Variants in HECW2 observed in about 807,000 individuals in gnomAD.
HECW2 encodes the protein E3 ubiquitin-protein ligase HECW2.
HECW2 carries 61 observed loss-of-function variants against 175.2 expected under a neutral mutation model. That is an observed-to-expected ratio of 0.35 (90% CI 0.28 to 0.43). HECW2 has a LOEUF of 0.43. Ranked by LOEUF, HECW2 falls within the 20% of genes least tolerant of loss-of-function variation. The probability of loss-of-function intolerance (pLI) is 1.00; values close to 1 mark genes in which losing one functional copy is unlikely to be tolerated. For synonymous variants in HECW2, 671 were observed against 731.0 expected, an observed-to-expected ratio of 0.92 and a Z score of 1.32; for missense variants, 1,524 against 2,000.5, an observed-to-expected ratio of 0.76 and a Z score of 4.54.
At chr2:196,566,251 C>A in intron 1 of HECW2, among the ~76,000 whole-genome samples, 1 of 145,896 alleles carries the variant, frequency 6.9e-6, no homozygotes, top group Middle Eastern at 3.4e-3. Context: ...ATGGTTGTTC[C>A]ATTAATAATT....
intron 2 of HECW2, among the ~76,000 whole-genome samples, chr2:196,366,742 A>G (rs1178796813): frequency 6.6e-6 from 1 of 152,208 alleles, no homozygotes; most frequent in African/African-American, 2.4e-5. Flanking sequence ...TTAACTCCAT[A>G]TTAATGGAAA....
chr2:196,396,828 A>AAGC (rs148015627), intron 2 of HECW2, among the ~76,000 whole-genome samples: 1 of 150,784 alleles, frequency 6.6e-6, no homozygotes, highest in Non-Finnish European at 1.5e-5. Flanking sequence ...TAAAAAAAAA[A>AAGC]TGGCCGGGTG....
chr2:196,338,122 C>T (rs996417222), intron 3 of HECW2, among the ~76,000 whole-genome samples: 17 of 152,122 alleles, frequency 1.1e-4, no homozygotes, highest in Non-Finnish European at 2.2e-4. Flanking sequence ...ATTTGTGAGA[C>T]GTCACTTTGG....
chr2:196,520,966 T>C (rs1031379680), intron 1 of HECW2, among the ~76,000 whole-genome samples: 22 of 152,088 alleles, frequency 1.4e-4, no homozygotes, highest in African/African-American at 5.3e-4. Context: ...TAGAAGAAAG[T>C]AGATGCTTAA....
chr2:196,452,683 C>T (rs978589311), intron 1 of HECW2, among the ~76,000 whole-genome samples: 6 of 152,008 alleles, frequency 3.9e-5, no homozygotes, highest in Admixed American at 3.3e-4. Context: ...AAGACCACTC[C>T]TCTCCTGCAT....
intron 14 of HECW2, among the ~76,000 whole-genome samples, chr2:196,280,411 A>G (rs1013611700): frequency 6.6e-6 from 1 of 152,212 alleles, no homozygotes; most frequent in Non-Finnish European, 1.5e-5. Context: ...CTCTATGTAC[A>G]TCATCAAGAA....
chr2:196,226,835 T>A (rs1687869233), intron 22 of HECW2, among the ~76,000 whole-genome samples: 1 of 152,144 alleles, frequency 6.6e-6, no homozygotes, highest in African/African-American at 2.4e-5. Context: ...TTTGGGGGAG[T>A]TTCCTTCTGG....
At chr2:196,375,144 G>A (rs1694015908) in intron 2 of HECW2, among the ~76,000 whole-genome samples, 1 of 148,934 alleles carries the variant, frequency 6.7e-6, no homozygotes, top group Non-Finnish European at 1.5e-5. Context: ...GGGCAACAGA[G>A]TAAGACTCAG....
At chr2:196,313,372 G>A (rs1691571756) in intron 10 of HECW2, among the ~76,000 whole-genome samples, 1 of 152,222 alleles carries the variant, frequency 6.6e-6, no homozygotes, top group Admixed American at 6.5e-5. Context: ...AGAAGATACA[G>A]AAAATTCTTA....
chr2:196,210,482 A>C (rs10931731), intron 28 of HECW2, among the ~76,000 whole-genome samples: 40,630 of 151,994 alleles, frequency 0.27, 5,722 homozygotes, highest in East Asian at 0.55. Context: ...CACCACCATG[A>C]CCAGCTAGTA....
intron 1 of HECW2, among the ~76,000 whole-genome samples, chr2:196,478,956 C>T (rs754069339): frequency 1.1e-4 from 16 of 152,276 alleles, no homozygotes; most frequent in Non-Finnish European, 2.4e-4. Flanking sequence ...CATTAGGACC[C>T]CACTTTGTGA....
intron 5 of HECW2, 34 bp downstream of exon 5, chr2:196,329,541 T>C (rs753182042): frequency 1.3e-6 from 2 of 1,564,412 alleles, no homozygotes; most frequent in Admixed American, 3.3e-5. Flanking sequence ...CTGTACACTT[T>C]CAAACTGGAT....
intron 2 of HECW2, among the ~76,000 whole-genome samples, chr2:196,389,820 T>C (rs1049353552): frequency 6.6e-6 from 1 of 152,120 alleles, no homozygotes; most frequent in African/African-American, 2.4e-5. Context: ...TTTAAAGGTT[T>C]CTAGCTAACA....
rs1433614128 is a variant in HECW2, at chr2:196,220,790, T to C, written c.4293+5A>G. On this transcript the variant is annotated splice_donor_5th_base_variant and intron_variant, in intron 25 of 28. Coordinates refer to ENST00000644978, the MANE Select transcript of HECW2 (RefSeq NM_001348768.2). ...CAAACTCCTCCTACTGCTGATTGTC[T>C]TTACCTCATAGAAGCCACGCACTAA... 1 of 1,614,068 alleles carries C rather than the reference T, an allele frequency of 6.2e-7. No homozygotes were observed. Among genetic ancestry groups the C allele is most frequent in the South Asian group, 1.1e-5 (1 of 91,062 alleles).
chr2:196,446,514 A>G (rs1696190678), intron 1 of HECW2, among the ~76,000 whole-genome samples: 1 of 152,188 alleles, frequency 6.6e-6, no homozygotes, highest in Non-Finnish European at 1.5e-5. Flanking sequence ...CTGGACCTAC[A>G]TGGTTTTCTT....
chr2:196,441,278 A>G (rs1696032020), intron 1 of HECW2, among the ~76,000 whole-genome samples: 1 of 152,128 alleles, frequency 6.6e-6, no homozygotes, highest in Non-Finnish European at 1.5e-5. Flanking sequence ...CTAGGATCTA[A>G]CTTCCTAGAG....
chr2:196,317,431 T>C (rs1575405729), intron 9 of HECW2, 62 bp from the exon 10 acceptor site: 3 of 1,181,356 alleles, frequency 2.5e-6, no homozygotes, highest in Non-Finnish European at 3.7e-6. Context: ...AAACAGACTC[T>C]ATACAAAAAA....
At chr2:196,474,993 C>T (rs558229493) in intron 1 of HECW2, among the ~76,000 whole-genome samples, 29 of 152,268 alleles carry the variant, frequency 1.9e-4, no homozygotes, top group Admixed American at 1.8e-3. Context: ...TCGTTACAGA[C>T]GCTTAACACA....
intron 5 of HECW2, among the ~76,000 whole-genome samples, chr2:196,325,736 T>C (rs1468690765): frequency 6.6e-6 from 1 of 152,238 alleles, no homozygotes; most frequent in African/African-American, 2.4e-5. Context: ...TCCATAAATG[T>C]GATGAATGTT....
Sources: allele counts gnomAD v4.1 joint callset (sites outside exome capture counted in the v4.1 genomes callset), GRCh38; gene constraint gnomAD v4.1.1; transcripts MANE v1.5; gene names NCBI Gene and HGNC (gene_info 2026-07-23, HGNC 2026-07-21).